Variants in DLGAP4 observed in about 807,000 individuals in gnomAD.
DLGAP4 encodes the protein disks large-associated protein 4.
DLGAP4 carries 18 observed loss-of-function variants against 86.9 expected under a neutral mutation model. The observed-to-expected ratio is 0.21, with a 90% CI of 0.14 to 0.31. The LOEUF is 0.31. Ranked by LOEUF, DLGAP4 falls within the 10% of genes least tolerant of loss-of-function variation. The pLI is 1.00. For missense variants in DLGAP4, 1,085 were observed against 1,362.6 expected (o/e 0.80, Z 3.21); for synonymous variants, 548 against 574.3 (o/e 0.95, Z 0.65).
chr20:36,387,488 G>A (rs766698276), intron 2 of DLGAP4, among the ~76,000 whole-genome samples: 12 of 152,142 alleles, frequency 7.9e-5, no homozygotes. Flanking sequence ...ACATTCAGAA[G>A]TTTAAACTTT....
intron 7 of DLGAP4, among the ~76,000 whole-genome samples, chr20:36,472,787 C>G (rs895572656): frequency 6.6e-6 from 1 of 152,186 alleles, no homozygotes; most frequent in African/African-American, 2.4e-5. Flanking sequence ...AGACCCAGCC[C>G]AGGCTGAGGG....
chr20:36,512,218 T>G (rs1389155832), intron 10 of DLGAP4, among the ~76,000 whole-genome samples: 1 of 151,696 alleles, frequency 6.6e-6, no homozygotes, highest in East Asian at 2.0e-4. Context: ...GCCCAGCTAA[T>G]TTTTTGTAAT....
intron 7 of DLGAP4, among the ~76,000 whole-genome samples, chr20:36,479,111 C>A (rs1395971590): frequency 6.6e-6 from 1 of 152,040 alleles, no homozygotes; most frequent in Non-Finnish European, 1.5e-5. Flanking sequence ...AGACATCTTC[C>A]CAGATGTTAC....
At chr20:36,346,423 C>T (rs2029939778) in intron 1 of DLGAP4, among the ~76,000 whole-genome samples, 2 of 152,250 alleles carry the variant, frequency 1.3e-5, no homozygotes, top group South Asian at 4.1e-4. Flanking sequence ...CCATCCGGGA[C>T]ACTCTCCTGG....
intron 1 of DLGAP4, among the ~76,000 whole-genome samples, chr20:36,307,473 C>A (rs1555889593): frequency 6.6e-6 from 1 of 152,204 alleles, no homozygotes; most frequent in African/African-American, 2.4e-5. Context: ...CCTCCGCTGC[C>A]TGTGTTGCAG....
chr20:36,513,180 C>T (rs1184314997), intron 10 of DLGAP4, among the ~76,000 whole-genome samples: 2 of 151,186 alleles, frequency 1.3e-5, no homozygotes, highest in African/African-American at 4.9e-5. Context: ...CATCAGAGGC[C>T]ATTATTAAAG....
chr20:36,442,287 C>A (rs976309608), intron 5 of DLGAP4, among the ~76,000 whole-genome samples: 1 of 152,188 alleles, frequency 6.6e-6, no homozygotes, highest in Non-Finnish European at 1.5e-5. Context: ...CTCCGCCTCA[C>A]GGGTTCAAGC....
chr20:36,467,017 CCTCTCTCT>C (rs55778929), intron 7 of DLGAP4, among the ~76,000 whole-genome samples: 9,541 of 50,298 alleles, frequency 0.19, 1,427 homozygotes, highest in Non-Finnish European at 0.22. Context: ...CTCTCTCTCT[CCTCTCTCT>C]CTCTCTCTCT....
chr20:36,313,200 C>T (rs1315960330), intron 1 of DLGAP4, among the ~76,000 whole-genome samples: 3 of 152,098 alleles, frequency 2.0e-5, no homozygotes, highest in Admixed American at 6.5e-5. Flanking sequence ...CGTGCAGTGA[C>T]GCAGCACCCG....
intron 1 of DLGAP4, among the ~76,000 whole-genome samples, chr20:36,326,812 T>C (rs1275558205): frequency 6.6e-6 from 1 of 152,052 alleles, no homozygotes; most frequent in Admixed American, 6.6e-5. Flanking sequence ...TTTGCCTTCA[T>C]TTTTTTAAGT....
rs1210291103 is a variant in DLGAP4, at chr20:36,404,174, AC to A, written c.-72-27470del. Among the ~76,000 whole-genome samples the A allele has an allele frequency of 6.6e-5, 10 of 152,148 alleles. No individual in the cohort carries two copies. In the East Asian group the frequency reaches 1.9e-3, roughly 29 times the overall value. ...AATTGGACTATGAAATCTTGACTGT[AC>A]CTTCCAGTGTCAGATGTCCACTCTA... On this transcript the variant is annotated intron_variant, in intron 2 of 12. Transcript: ENST00000339266.
At chr20:36,328,176 A>G (rs73293662) in intron 1 of DLGAP4, among the ~76,000 whole-genome samples, 13,407 of 151,924 alleles carry the variant, frequency 0.088, 1,669 homozygotes, top group African/African-American at 0.28. Flanking sequence ...TCCAGCCCGG[A>G]CAACAGAGCA....
chr20:36,333,306 T>C (rs1427021157), intron 1 of DLGAP4, among the ~76,000 whole-genome samples: 1 of 152,172 alleles, frequency 6.6e-6, no homozygotes, highest in African/African-American at 2.4e-5. Context: ...CTTGACATTT[T>C]TCATACTAAG....
intron 7 of DLGAP4, chr20:36,492,717 C>T (rs2035719630): frequency 6.6e-6 from 1 of 152,180 alleles, no homozygotes; most frequent in African/African-American, 2.4e-5. Flanking sequence ...GCTTAGTGCC[C>T]AGTTCTTGCT....
chr20:36,472,210 G>C (rs532817744), intron 7 of DLGAP4, among the ~76,000 whole-genome samples: 9 of 152,116 alleles, frequency 5.9e-5, no homozygotes, highest in Non-Finnish European at 1.3e-4. Flanking sequence ...AAAATCACTA[G>C]CCTAGTGGGG....
intron 10 of DLGAP4, among the ~76,000 whole-genome samples, chr20:36,516,786 A>G (rs1392771391): frequency 6.6e-6 from 1 of 151,784 alleles, no homozygotes; most frequent in African/African-American, 2.4e-5. Context: ...TATGAAGGAA[A>G]AAAAATCAAA....
rs546038771 is a variant in DLGAP4 at position 36,331,518 on chromosome 20, C to T, written c.-304+25006C>T. 1.9e-4 allele frequency among the ~76,000 whole-genome samples: 29 copies of T among 152,314 alleles called. No individual in the cohort carries two copies. In the South Asian group the frequency reaches 3.3e-3, roughly 17 times the overall value. The stretch of plus-strand genomic sequence containing the variant: ...GTCACCCGGGCTGCTGGCCCCCTGC[C>T]GACCCAGCCTCAGCCTGGACTCACT... On this transcript the variant is annotated intron_variant, in intron 1 of 12. Transcript: ENST00000339266.
chr20:36,397,915 A>T (rs1315425537), intron 2 of DLGAP4, among the ~76,000 whole-genome samples: 8 of 152,316 alleles, frequency 5.3e-5, no homozygotes, highest in Middle Eastern at 6.8e-3. Flanking sequence ...TGAGGTCAGG[A>T]GTTCGAGACT....
intron 1 of DLGAP4, among the ~76,000 whole-genome samples, chr20:36,325,561 T>C (rs993557166): frequency 2.0e-4 from 30 of 152,212 alleles, no homozygotes; most frequent in African/African-American, 4.6e-4. Context: ...CTGACTATAA[T>C]TGGAGATTTG....
Sources: allele counts gnomAD v4.1 joint callset (sites outside exome capture counted in the v4.1 genomes callset), GRCh38; gene constraint gnomAD v4.1.1; transcripts MANE v1.5; gene names NCBI Gene and HGNC (gene_info 2026-07-23, HGNC 2026-07-21).